The following MYO10 variants were observed in gnomAD, a reference collection of about 807,000 sequenced individuals.
MYO10 encodes myosin X.
In MYO10, 133 loss-of-function variants were observed where a neutral mutation model predicts 257.3. The ratio of observed to expected loss-of-function variants is 0.52; its 90% CI spans 0.45 to 0.60. MYO10 has a LOEUF of 0.60. Among genes scored for constraint, MYO10 ranks in the 20% least tolerant of loss-of-function variants. MYO10 has a pLI of 0.00. For synonymous variants in MYO10, 1,104 were observed against 1,028.6 expected, an observed-to-expected ratio of 1.07 and a Z score of -1.40; for missense variants, 2,399 against 2,635.7, an observed-to-expected ratio of 0.91 and a Z score of 1.97.
intron 2 of MYO10, among the ~76,000 whole-genome samples, chr5:16,861,809 T>C (rs1744116679): frequency 6.6e-6 from 1 of 152,066 alleles, no homozygotes; most frequent in South Asian, 2.1e-4. Context: ...GGAAAGATGA[T>C]AAACTCTGGA....
rs1561003861 is a variant in MYO10 at position 16,823,467 on chromosome 5, G to GGGTTTTTTTTT, written c.121-5301_121-5300insAAAAAAAAACC. Among the ~76,000 whole-genome samples, 9 of 3,986 alleles carry GGGTTTTTTTTT rather than the reference G, an allele frequency of 2.3e-3. 1 individual carries two copies. The highest frequency in any genetic ancestry group is 2.9e-3 in the Non-Finnish European group (5 of 1,738). 2.6% of individuals were successfully genotyped at this position (3,986 alleles called of 152,430 possible). A position where few individuals can be genotyped will look rare whatever the true frequency, so the allele number is the denominator to read the frequency against. The stretch of plus-strand genomic sequence containing the variant: ...CTTGCGCGGGGGGGGGGGGAGTGGG[G>GGGTTTTTTTTT]ATTTTTTTTTTTTTTTTTTTGTGAG... On this transcript the variant is annotated intron_variant, in intron 2 of 40. Transcript: ENST00000513610.
At chr5:16,824,220 TAC>T (rs1378073630) in intron 2 of MYO10, among the ~76,000 whole-genome samples, 1 of 152,132 alleles carries the variant, frequency 6.6e-6, no homozygotes, top group African/African-American at 2.4e-5. Flanking sequence ...CTAGATGACA[TAC>T]AGAGTATTCT....
chr5:16,932,926 C>G (rs1419032753), intron 1 of MYO10, among the ~76,000 whole-genome samples: 1 of 152,186 alleles, frequency 6.6e-6, no homozygotes, highest in Admixed American at 6.5e-5. Context: ...TACCACCACA[C>G]TCAGCTAAGT....
chr5:16,835,330 C>G (rs550742230), intron 2 of MYO10, among the ~76,000 whole-genome samples: 1 of 150,880 alleles, frequency 6.6e-6, no homozygotes, highest in African/African-American at 2.4e-5. Flanking sequence ...GTCAGGAGTT[C>G]GAGATCAGCC....
chr5:16,816,832 T>A (rs1742631288), intron 3 of MYO10, among the ~76,000 whole-genome samples: 1 of 143,158 alleles, frequency 7.0e-6, no homozygotes, highest in Non-Finnish European at 1.5e-5. Context: ...CTGGCCTTTT[T>A]TTTCTGAGAC....
At chr5:16,747,237 C>G (rs376872137) in intron 19 of MYO10, among the ~76,000 whole-genome samples, 6 of 152,270 alleles carry the variant, frequency 3.9e-5, no homozygotes, top group African/African-American at 1.4e-4. Context: ...TTAAAGACAC[C>G]ACCCCAATAC....
At chr5:16,786,056 G>C (rs1250440355) in intron 4 of MYO10, among the ~76,000 whole-genome samples, 1 of 151,634 alleles carries the variant, frequency 6.6e-6, no homozygotes, top group Non-Finnish European at 1.5e-5. Flanking sequence ...TGTCCTCAGA[G>C]ATGGTACATC....
chr5:16,777,829 T>C (rs771354878), intron 9 of MYO10, among the ~76,000 whole-genome samples: 5 of 148,292 alleles, frequency 3.4e-5, no homozygotes. Context: ...CCTAGGTGCA[T>C]TGCATCTAAC....
intron 1 of MYO10, among the ~76,000 whole-genome samples, chr5:16,895,535 TC>T (rs922158637): frequency 2.5e-4 from 38 of 152,036 alleles, no homozygotes; most frequent in African/African-American, 8.9e-4. Context: ...TTCCCCTATC[TC>T]GTTCCCAGGA....
chr5:16,753,694 T>A (rs1365147338), intron 19 of MYO10, among the ~76,000 whole-genome samples: 1 of 141,600 alleles, frequency 7.1e-6, no homozygotes, highest in Non-Finnish European at 1.5e-5. Context: ...TGGTCTCAAA[T>A]TCCTGACCTC....
At chr5:16,676,381 G>C (rs1315538685) in intron 33 of MYO10, among the ~76,000 whole-genome samples, 1 of 152,080 alleles carries the variant, frequency 6.6e-6, no homozygotes, top group African/African-American at 2.4e-5. Context: ...ACTTCCCCAT[G>C]TGATTTTAAA....
intron 3 of MYO10, among the ~76,000 whole-genome samples, chr5:16,804,348 C>A (rs1352875259): frequency 1.3e-5 from 2 of 152,196 alleles, no homozygotes; most frequent in Admixed American, 6.5e-5. Context: ...CCCCCTTAAT[C>A]CAATCACCAA....
At chr5:16,890,609 G>A (rs1280934317) in intron 1 of MYO10, among the ~76,000 whole-genome samples, 1 of 151,280 alleles carries the variant, frequency 6.6e-6, no homozygotes, top group African/African-American at 2.4e-5. Flanking sequence ...GGAGGCCGGG[G>A]CAGGCAGATC....
At chr5:16,786,549 CTTTT>C (rs34031491) in intron 4 of MYO10, among the ~76,000 whole-genome samples, 2 of 151,962 alleles carry the variant, frequency 1.3e-5, no homozygotes, top group Admixed American at 6.6e-5. Flanking sequence ...GAATCTGAAA[CTTTT>C]TTTTAGTGCC....
intron 2 of MYO10, among the ~76,000 whole-genome samples, chr5:16,836,433 C>T (rs1743314866): frequency 1.3e-5 from 2 of 152,166 alleles, no homozygotes; most frequent in South Asian, 4.1e-4. Context: ...TCAACTCCAC[C>T]TCATTTTCTA....
In MYO10 at chr5:16,681,915, G is replaced by A. The variant is rs1418472905; in HGVS notation, c.4145C>T (p.Ser1382Phe). 6.2e-7 allele frequency: 1 copy of A among 1,613,984 alleles called. No individual in the cohort carries two copies. Among genetic ancestry groups the A allele is most frequent in the African/African-American group, 1.3e-5 (1 of 75,034 alleles). The change falls in exon 31 of 41, where the codon TCC becomes TTC. Residue 1382 changes from serine to phenylalanine, a missense_variant. Ser to Phe is a radical substitution (Grantham distance 155). This residue lies in a region of MYO10 where 1,820 missense variants were observed against 1,939.4 expected (regional missense o/e 0.94). Coordinates refer to ENST00000513610, the MANE Select transcript of MYO10 (RefSeq NM_012334.3). ...MHHWITLLQR[S>F]KGDTRVEGQE... is the part of the protein sequence containing the mutation. ...GCCCTCCACTCTGGTGTCCCCTTTG[G>A]ACCTCTGCAGCAGGGTTATCCAGTG...
At chr5:16,840,110 G>A (rs1454712013) in intron 2 of MYO10, among the ~76,000 whole-genome samples, 1 of 152,094 alleles carries the variant, frequency 6.6e-6, no homozygotes, top group Non-Finnish European at 1.5e-5. Flanking sequence ...ACAGTAACAC[G>A]GCAATTTAAA....
In MYO10 at chr5:16,675,040, G is replaced by C. The variant is rs751953137; in HGVS notation, c.4777C>G (p.Leu1593Val). Residue 1593 changes from leucine (L) to valine (V), a missense_variant, in exon 35 of 41, where the codon CTA becomes GTA. Physicochemically the swap from Leu to Val is conservative, Grantham distance 32 (BLOSUM62 1). Transcript: ENST00000513610. ...GGTCGCAGGTCATGCCCTGTCTGTAGGATGCCCTGGATTATTGGAATTGGG... is the reference window on the plus strand; with the variant it reads ...GGTCGCAGGTCATGCCCTGTCTGTACGATGCCCTGGATTATTGGAATTGGG... ...SDPIPIIQGI[L>V]QTGHDLRPLR... 1.2e-6 allele frequency: 2 copies of C among 1,613,844 alleles called. No individual in the cohort carries two copies. The highest frequency in any genetic ancestry group is 4.5e-5 in the East Asian group (2 of 44,880).
intron 9 of MYO10, among the ~76,000 whole-genome samples, chr5:16,770,089 A>G (rs983406909): frequency 2.6e-5 from 4 of 152,034 alleles, no homozygotes; most frequent in African/African-American, 9.7e-5. Flanking sequence ...AAAATTAGCC[A>G]GGTGTGTTGG....
Sources: allele counts gnomAD v4.1 joint callset (sites outside exome capture counted in the v4.1 genomes callset), GRCh38; gene constraint gnomAD v4.1.1; regional missense constraint gnomAD v4.1.1; transcripts MANE v1.5; gene names NCBI Gene and HGNC (gene_info 2026-07-23, HGNC 2026-07-21).